Variants in DNAAF3 observed in about 807,000 individuals in gnomAD.
DNAAF3 encodes the protein UPF0470 protein C19orf51.
A neutral mutation model predicts 50.9 loss-of-function variants in DNAAF3; 40 were observed. The ratio of observed to expected loss-of-function variants is 0.79; its 90% confidence interval spans 0.61 to 1.02. The LOEUF (loss-of-function observed/expected upper bound fraction) is 1.02, where lower values mean the gene tolerates loss of function less well. Among genes scored for constraint, DNAAF3 ranks in the 50% least tolerant of loss-of-function variants. The probability of loss-of-function intolerance (pLI) is 0.00; values close to 1 mark genes in which losing one functional copy is unlikely to be tolerated. For missense variants in DNAAF3, 763 were observed against 744.7 expected, an observed-to-expected ratio of 1.02 and a Z score of -0.29; for synonymous variants, 327 against 322.8, an observed-to-expected ratio of 1.01 and a Z score of -0.14.
intron 4 of DNAAF3, among the ~76,000 whole-genome samples, chr19:55,163,439 T>C (rs2035144347): frequency 6.6e-6 from 1 of 151,598 alleles, no homozygotes; most frequent in Admixed American, 6.6e-5. Flanking sequence ...ATTACAGGCG[T>C]GAGCCACCGC....
chr19:55,163,362 G>A lies in DNAAF3; in HGVS notation c.323-1072C>T, dbSNP rs921705155. 2.2e-5 allele frequency among the ~76,000 whole-genome samples: 3 copies of A among 135,462 alleles called. No homozygotes were observed. The East Asian group carries it at 6.2e-4, about 28-fold the overall frequency. The allele number at this position is 135,462 out of a possible 152,430, so 88.9% of individuals were successfully genotyped here. A position where few individuals can be genotyped will look rare whatever the true frequency, so the allele number is the denominator to read the frequency against. ...TTTAGTAGAGACGGGGTTTCACCGT[G>A]TTAGCCAGGATGGTCTCGATCTCCT... On this transcript the variant is annotated intron_variant, in intron 4 of 11. Coordinates refer to ENST00000524407, the MANE Select transcript of DNAAF3 (RefSeq NM_001256715.2).
In DNAAF3 at chr19:55,165,842, C is replaced by T. The variant is rs762571303; in HGVS notation, c.228+16G>A. ...AGGACTCGGGAATCTGGGCTCTCAT[C>T]TTCATCCCAGCTCACGTTGAACCTC... is the stretch of plus-strand genomic sequence containing the variant. On this transcript the variant is annotated intron_variant, in intron 3 of 11. Transcript: ENST00000524407. 8 of 1,612,628 alleles carry T rather than the reference C, an allele frequency of 5.0e-6. No individual in the cohort carries two copies. In the South Asian group the frequency reaches 8.8e-5, roughly 18 times the overall value.
Position 55,159,974 on chromosome 19 carries a change from G to A in DNAAF3, c.1088C>T (p.Pro363Leu), listed in dbSNP as rs371601529. The A allele has an allele frequency of 8.3e-5, 134 of 1,613,828 alleles. No individual in the cohort carries two copies. Among genetic ancestry groups the A allele is most frequent in the Non-Finnish European group, 1.1e-4 (129 of 1,180,018 alleles). Residue 363 changes from proline (P) to leucine (L), a missense_variant, in exon 10 of 12, where the codon CCG becomes CTG. Coordinates refer to ENST00000524407, the MANE Select transcript of DNAAF3 (RefSeq NM_001256715.2). The part of the protein sequence containing the change: ...TPESFTVHFL[P>L]LNSAQTLHHK... ...GTGGAGAGTCTGAGCAGAATTGAGC[G>A]GCAGGAAGTGGACGGTGAAAGATTC... is the stretch of plus-strand genomic sequence containing the variant.
rs1311137673 is a variant in DNAAF3 at position 55,166,280 on chromosome 19, C to T, written c.85+49G>A. On this transcript the variant is annotated intron_variant, in intron 2 of 11. Coordinates refer to ENST00000524407, the MANE Select transcript of DNAAF3 (RefSeq NM_001256715.2). This position sits in a 1 kb window ranked among gnomAD's most constrained non-coding sequence, Gnocchi z 4.0. ...TACGAGCTCTAAAAGGCCGTCTGCT[C>T]AGGCTGGGAAGGCAGACGGTGTATC... The T allele has an allele frequency of 1.3e-6, 2 of 1,598,572 alleles. No individual in the cohort carries two copies. Among genetic ancestry groups the T allele is most frequent in the Non-Finnish European group, 1.7e-6 (2 of 1,171,732 alleles).
In DNAAF3 at chr19:55,160,117, C is replaced by T. The variant is rs576001382; in HGVS notation, c.1049-104G>A. 5.2e-6 allele frequency: 4 copies of T among 765,680 alleles called. No individual in the cohort carries two copies. Among genetic ancestry groups the T allele is most frequent in the South Asian group, 3.0e-5 (2 of 66,566 alleles). The allele number at this position is 765,680 out of a possible 1,614,324, so 47.4% of individuals were successfully genotyped here. A position where few individuals can be genotyped will look rare whatever the true frequency, so the allele number is the denominator to read the frequency against. ...GGCAGAGCTGGGCAGGCACACAGGA[C>T]TTGGAGATAACACTTTTTGTCCTCT... On this transcript the variant is annotated intron_variant, in intron 9 of 11. Coordinates refer to ENST00000524407, the MANE Select transcript of DNAAF3 (RefSeq NM_001256715.2). This position sits in a 1 kb window ranked among gnomAD's most constrained non-coding sequence, Gnocchi z 4.7.
In DNAAF3 at chr19:55,161,165, C is replaced by T. The variant is rs1486133748; in HGVS notation, c.812G>A (p.Arg271His). 1.3e-6 allele frequency: 2 copies of T among 1,561,134 alleles called. No individual in the cohort carries two copies. Among genetic ancestry groups the T allele is most frequent in the South Asian group, 2.3e-5 (2 of 85,386 alleles). ...CGTGGCGATGTCCCCCCAGTACCCG[C>T]GCGCTGCCACGCGCTCCCCACGCTG... ...LSYRGERVAA[R>H]GYWGDIATGP... Residue 271 changes from arginine to histidine, a missense_variant, in exon 8 of 12, where the codon CGC becomes CAC. Coordinates refer to ENST00000524407, the MANE Select transcript of DNAAF3 (RefSeq NM_001256715.2). The surrounding 1 kb of genome is among the most constrained non-coding windows in gnomAD (Gnocchi z 6.4).
rs56726774 is a variant in DNAAF3 at position 55,161,796 on chromosome 19, T to C, written c.510A>G (p.Val170=). 0.048 allele frequency: 70,947 copies of C among 1,480,518 alleles called. 4,788 individuals are homozygous for C. Among genetic ancestry groups the C allele is most frequent in the Admixed American group, 0.29 (12,647 of 43,480 alleles). 91.7% of individuals were successfully genotyped at this position (1,480,518 alleles called of 1,614,324 possible). A position where few individuals can be genotyped will look rare whatever the true frequency, so the allele number is the denominator to read the frequency against. Residue 170 remains valine, a synonymous_variant, in exon 6 of 12, where the codon GTA becomes GTG. Transcript: ENST00000524407. This position sits in a 1 kb window ranked among gnomAD's most constrained non-coding sequence, Gnocchi z 6.4. Reference sequence around the variant, plus strand: ...TCTCGCCGCCAGCCCAGAAGCGGAATACGGCCTCCAGGGCATCCCGCTCGC... The same window carrying C: ...TCTCGCCGCCAGCCCAGAAGCGGAACACGGCCTCCAGGGCATCCCGCTCGC... The part of the protein sequence containing the change: ...KFRERDALEA[V]FRFWAGGEKG...
In DNAAF3 at chr19:55,161,678, C is replaced by A. The variant is rs1255209584; in HGVS notation, c.628G>T (p.Asp210Tyr). ...TGCAGCTTCATGCGCAGGTCCCAGT[C>A]GCTGACACCGCGCCGGGCGTCGTAG... Reference protein sequence around the residue: ...SRYDARRGVSDWDLRMKLHDR... With the variant: ...SRYDARRGVSYWDLRMKLHDR... Residue 210 changes from aspartate to tyrosine, a missense_variant, in exon 6 of 12, where the codon GAC becomes TAC. Physicochemically the swap from Asp to Tyr is radical, Grantham distance 160. Coordinates refer to ENST00000524407, the MANE Select transcript of DNAAF3 (RefSeq NM_001256715.2). The surrounding 1 kb of genome is among the most constrained non-coding windows in gnomAD (Gnocchi z 6.4). 13 of 1,539,776 alleles carry A rather than the reference C, an allele frequency of 8.4e-6. No individual in the cohort carries two copies. In the South Asian group the frequency reaches 1.4e-4, roughly 17 times the overall value.
rs2085931571 is a variant in DNAAF3, at chr19:55,165,951, G to A, written c.135C>T (p.Pro45=). The A allele has an allele frequency of 2.5e-6, 4 of 1,614,106 alleles. No homozygotes were observed. The highest frequency in any genetic ancestry group is 1.3e-5 in the African/African-American group (1 of 74,926). ...AGCCCAGAAGCAGCACATCTAGCTC[G>A]GGGTTGCTGTGCACTGTATCGGCCT... is the stretch of plus-strand genomic sequence containing the variant. The part of the protein sequence containing the change: ...DSQADTVHSN[P]ELDVLLLGSV... Residue 45 remains proline (P), a synonymous_variant, in exon 3 of 12, where the codon CCC becomes CCT. Coordinates refer to ENST00000524407, the MANE Select transcript of DNAAF3 (RefSeq NM_001256715.2).
Position 55,158,766 on chromosome 19 carries a change from G to A in DNAAF3, c.*296C>T. On this transcript the variant is annotated 3_prime_UTR_variant, in exon 12 of 12. Coordinates refer to ENST00000524407, the MANE Select transcript of DNAAF3 (RefSeq NM_001256715.2). ...CAGCCACAGGGTGCCTGGGAACAAGGGGGCCAAAGTCAAGGGCCTGAGACT... is the reference window on the plus strand; with the variant it reads ...CAGCCACAGGGTGCCTGGGAACAAGAGGGCCAAAGTCAAGGGCCTGAGACT... 1 of 287,384 alleles carries A rather than the reference G, an allele frequency of 3.5e-6. No homozygotes were observed. Among genetic ancestry groups the A allele is most frequent in the East Asian group, 6.6e-5 (1 of 15,146 alleles). 17.8% of individuals were successfully genotyped at this position (287,384 alleles called of 1,614,324 possible).
rs972600470 is a variant in DNAAF3, at chr19:55,158,855, A to G, written c.*207T>C. ...TGGAATTTGGAATTCTGAGAGAACA[A>G]TCTAGAATTCTAGGAATAGACCATA... On this transcript the variant is annotated 3_prime_UTR_variant, in exon 12 of 12. Coordinates refer to ENST00000524407, the MANE Select transcript of DNAAF3 (RefSeq NM_001256715.2). The G allele has an allele frequency of 1.8e-6, 1 of 567,760 alleles. No homozygotes were observed. Among genetic ancestry groups the G allele is most frequent in the African/African-American group, 1.9e-5 (1 of 53,696 alleles). The allele number at this position is 567,760 out of a possible 1,614,324, so 35.2% of individuals were successfully genotyped here. A position where few individuals can be genotyped will look rare whatever the true frequency, so the allele number is the denominator to read the frequency against.
At position 55,165,421 on chromosome 19, in the gene DNAAF3, T is replaced by C. The variant is rs1181045345; in HGVS notation, c.271A>G (p.Met91Val). ...TCCAGGGCTAGGCTGAAGATCAGCA[T>C]GTGTCGGGCCACAGCTTCCAGATTA... ...ENNLEAVARH[M>V]LIFSLALEEP... Residue 91 changes from methionine (M) to valine (V), a missense_variant, in exon 4 of 12, where the codon ATG (methionine) becomes GTG (valine). Met to Val is a conservative substitution (Grantham distance 21). Transcript: ENST00000524407. 2.7e-5 allele frequency: 43 copies of C among 1,614,032 alleles called. No homozygotes were observed. Among genetic ancestry groups the C allele is most frequent in the Non-Finnish European group, 3.1e-5 (37 of 1,180,034 alleles).
rs1568863985 is a variant in DNAAF3 at position 55,160,897 on chromosome 19, G to C, written c.913-122C>G. ...AGCTGCTTGGAGGATGTGAAGTGGG[G>C]CGGGACCTATCCCGCGGGGATGGGG... On this transcript the variant is annotated intron_variant, in intron 8 of 11. Transcript: ENST00000524407. The surrounding 1 kb of genome is among the most constrained non-coding windows in gnomAD (Gnocchi z 4.7). The C allele has an allele frequency of 6.8e-7, 1 of 1,465,640 alleles. No individual in the cohort carries two copies. The highest frequency in any genetic ancestry group is 1.4e-5 in the African/African-American group (1 of 70,464). The allele number at this position is 1,465,640 out of a possible 1,614,324, so 90.8% of individuals were successfully genotyped here. A position where few individuals can be genotyped will look rare whatever the true frequency, so the allele number is the denominator to read the frequency against.
chr19:55,160,876 G>C lies in DNAAF3; in HGVS notation c.913-101C>G. The C allele has an allele frequency of 6.7e-7, 1 of 1,491,572 alleles. No individual in the cohort carries two copies. The highest frequency in any genetic ancestry group is 1.3e-5 in the South Asian group (1 of 79,470). 92.4% of individuals were successfully genotyped at this position (1,491,572 alleles called of 1,614,324 possible). On this transcript the variant is annotated intron_variant, in intron 8 of 11. Transcript: ENST00000524407. This position sits in a 1 kb window ranked among gnomAD's most constrained non-coding sequence, Gnocchi z 4.7. Reference sequence around the variant, plus strand: ...GTCCAGGACTAGAACTCCCGCAGCTGCTTGGAGGATGTGAAGTGGGGCGGG... The same window carrying C: ...GTCCAGGACTAGAACTCCCGCAGCTCCTTGGAGGATGTGAAGTGGGGCGGG...
At chr19:55,164,563 C>T (rs1185447216) in intron 4 of DNAAF3, among the ~76,000 whole-genome samples, 5 of 151,784 alleles carry the variant, frequency 3.3e-5, no homozygotes, top group East Asian at 1.9e-4. Context: ...TTGCTTTTGT[C>T]GCCCAGGCTG....
chr19:55,166,645 G>A, upstream of DNAAF3: 2 of 1,613,218 alleles, frequency 1.2e-6, no homozygotes, highest in South Asian at 1.1e-5. The surrounding 1 kb of genome is among the most constrained non-coding windows in gnomAD (Gnocchi z 4.0). Flanking sequence ...AGCAATGGAA[G>A]CATGTGGGAT....
chr19:55,163,853 A>G (rs1350718461), intron 4 of DNAAF3, among the ~76,000 whole-genome samples: 2 of 152,138 alleles, frequency 1.3e-5, no homozygotes, highest in East Asian at 3.8e-4. Flanking sequence ...TGTACTCTGA[A>G]TTCCCTGGGT....
Position 55,161,555 on chromosome 19 carries a change from C to T in DNAAF3, c.663+88G>A. ...GACCCAGGAGTTCAGGCCCCCAAAC[C>T]CTCCTCCCTCAGACTCAGGAGGCCC... is the stretch of plus-strand genomic sequence containing the variant. On this transcript the variant is annotated intron_variant, in intron 6 of 11. Coordinates refer to ENST00000524407, the MANE Select transcript of DNAAF3 (RefSeq NM_001256715.2). The surrounding 1 kb of genome is among the most constrained non-coding windows in gnomAD (Gnocchi z 6.4). The T allele has an allele frequency of 6.8e-7, 1 of 1,469,230 alleles. No homozygotes were observed. The highest frequency in any genetic ancestry group is 9.0e-7 in the Non-Finnish European group (1 of 1,111,272). 91.0% of individuals were successfully genotyped at this position (1,469,230 alleles called of 1,614,324 possible).
chr19:55,164,759 GTGA>G (rs1213707656), intron 4 of DNAAF3, among the ~76,000 whole-genome samples: 1 of 151,960 alleles, frequency 6.6e-6, no homozygotes, highest in Non-Finnish European at 1.5e-5. Context: ...TCCTGACCTC[GTGA>G]TCTGCCCACC....
Sources: gnomAD v4.1 joint callset for allele counts (sites outside exome capture counted in the v4.1 genomes callset) on GRCh38, gnomAD v4.1.1 for gene constraint, Gnocchi (gnomAD v3.1) non-coding constraint, MANE v1.5 for transcripts, NCBI Gene and HGNC (gene_info 2026-07-23, HGNC 2026-07-21) for gene names.